The following THRB variants were observed in gnomAD, a reference collection of about 807,000 sequenced individuals.
THRB encodes the protein thyroid hormone receptor beta.
Under a neutral mutation model 47.8 loss-of-function variants are expected in THRB, and 12 were observed. The observed-to-expected ratio is 0.25, with a 90% confidence interval of 0.16 to 0.41. THRB has a LOEUF of 0.41. THRB is among the 10% of genes least tolerant of loss of function. The probability of loss-of-function intolerance (pLI) is 1.00; values close to 1 mark genes in which losing one functional copy is unlikely to be tolerated. For synonymous variants in THRB, 218 were observed against 212.2 expected, an observed-to-expected ratio of 1.03 and a Z score of -0.24; for missense variants, 348 against 589.2, an observed-to-expected ratio of 0.59 and a Z score of 4.24.
chr3:24,308,613 G>C (rs975734513), intron 2 of THRB, among the ~76,000 whole-genome samples: 1 of 152,202 alleles, frequency 6.6e-6, no homozygotes, highest in Non-Finnish European at 1.5e-5. Context: ...GTTTTATTAA[G>C]AGGTAGATTG....
At chr3:24,209,845 G>GA (rs1014295476) in intron 4 of THRB, among the ~76,000 whole-genome samples, 5 of 151,534 alleles carry the variant, frequency 3.3e-5, no homozygotes, top group Admixed American at 6.6e-5. Flanking sequence ...ATAATTTTTG[G>GA]AAAAAAAATC....
rs115865654 is a variant in THRB, at chr3:24,403,784, A to G, written c.-260-66413T>C. 7.3e-3 allele frequency among the ~76,000 whole-genome samples: 1,104 copies of G among 152,108 alleles called. 12 individuals are homozygous for G. Among genetic ancestry groups the G allele is most frequent in the African/African-American group, 0.025 (1,052 of 41,552 alleles). ...TATACATATGGCACTGCTGTTGCAG[A>G]TAGAAGTTTGAGGGTTGTCTTGAGG... On this transcript the variant is annotated intron_variant, in intron 1 of 10. Coordinates refer to ENST00000646209, the MANE Select transcript of THRB (RefSeq NM_001354712.2).
chr3:24,184,434 C>G lies in THRB; in HGVS notation c.283+5640G>C, dbSNP rs185689620. Among the ~76,000 whole-genome samples the G allele has an allele frequency of 7.3e-4, 111 of 152,324 alleles. 1 individual carries two copies. Among genetic ancestry groups the G allele is most frequent in the Non-Finnish European group, 1.2e-3 (82 of 68,020 alleles). On this transcript the variant is annotated intron_variant, in intron 5 of 10. Transcript: ENST00000646209. ...AGCGTGGGGTGGTCCATCCTCTGCT[C>G]TGTGTGCATCTCAACGAAAACTGAA...
chr3:24,148,563 C>T (rs1029862729), intron 6 of THRB, among the ~76,000 whole-genome samples: 1 of 152,158 alleles, frequency 6.6e-6, no homozygotes, highest in African/African-American at 2.4e-5. Context: ...TTCCTGGTGG[C>T]AAAACAAGTT....
intron 4 of THRB, among the ~76,000 whole-genome samples, chr3:24,217,335 A>C (rs2046671085): frequency 6.6e-6 from 1 of 150,610 alleles, no homozygotes; most frequent in Admixed American, 6.5e-5. Context: ...AGATTTTTGA[A>C]AAAGATATAG....
At chr3:24,155,044 C>G (rs985446535) in intron 5 of THRB, among the ~76,000 whole-genome samples, 7 of 152,156 alleles carry the variant, frequency 4.6e-5, no homozygotes, top group African/African-American at 1.7e-4. Flanking sequence ...TCATACTACC[C>G]CAGCCTGTCT....
intron 1 of THRB, among the ~76,000 whole-genome samples, chr3:24,475,814 A>T (rs1402049679): frequency 6.6e-6 from 1 of 152,264 alleles, no homozygotes; most frequent in Non-Finnish European, 1.5e-5. Flanking sequence ...GATTCTATAT[A>T]ACAGACATCC....
At chr3:24,461,374 T>C (rs145603173) in intron 1 of THRB, among the ~76,000 whole-genome samples, 1 of 152,330 alleles carries the variant, frequency 6.6e-6, no homozygotes, top group African/African-American at 2.4e-5. Context: ...TATCAAGATG[T>C]TGGTACATAG....
At chr3:24,379,017 A>T (rs1037052577) in intron 1 of THRB, among the ~76,000 whole-genome samples, 15 of 152,108 alleles carry the variant, frequency 9.9e-5, no homozygotes, top group Admixed American at 9.2e-4. Context: ...CCTTATAGCA[A>T]CTCAATGAGG....
At chr3:24,487,084 T>C (rs1006893934) in intron 1 of THRB, among the ~76,000 whole-genome samples, 1 of 152,220 alleles carries the variant, frequency 6.6e-6, no homozygotes, top group African/African-American at 2.4e-5. Context: ...AGCAGGACTT[T>C]TGCATTCTTG....
At chr3:24,244,450 T>C (rs942630132) in intron 3 of THRB, among the ~76,000 whole-genome samples, 4 of 152,162 alleles carry the variant, frequency 2.6e-5, no homozygotes, top group Non-Finnish European at 4.4e-5. Flanking sequence ...CATCTATTTA[T>C]TGGTAAAGAA....
At chr3:24,472,542 C>T (rs2125780063) in intron 1 of THRB, among the ~76,000 whole-genome samples, 1 of 152,334 alleles carries the variant, frequency 6.6e-6, no homozygotes, top group Admixed American at 6.5e-5. Flanking sequence ...CTCCTACTCT[C>T]TCTGCCAATC....
At chr3:24,152,048 G>A (rs1277805414) in intron 6 of THRB, among the ~76,000 whole-genome samples, 2 of 152,162 alleles carry the variant, frequency 1.3e-5, no homozygotes, top group Non-Finnish European at 2.9e-5. Flanking sequence ...GTCATTTCTC[G>A]GGATGACAAC....
chr3:24,356,825 A>C (rs1305970433), intron 1 of THRB, among the ~76,000 whole-genome samples: 2 of 152,114 alleles, frequency 1.3e-5, no homozygotes, highest in East Asian at 3.9e-4. Flanking sequence ...GAATATGCAG[A>C]AAAGAAGGAA....
rs924672541 is a variant in THRB at position 24,222,752 on chromosome 3, C to G, written c.22+6186G>C. Among the ~76,000 whole-genome samples, 51 of 152,280 alleles carry G rather than the reference C, an allele frequency of 3.3e-4. No homozygotes were observed. The South Asian group carries it at 4.4e-3, about 13-fold the overall frequency. ...GAGGGAGGAGCAAAAAGGCCCCCATCACATTGTGTGGTTAAATACTGAAGA... is the reference window on the plus strand; with the variant it reads ...GAGGGAGGAGCAAAAAGGCCCCCATGACATTGTGTGGTTAAATACTGAAGA... On this transcript the variant is annotated intron_variant, in intron 4 of 10. Coordinates refer to ENST00000646209, the MANE Select transcript of THRB (RefSeq NM_001354712.2).
intron 4 of THRB, among the ~76,000 whole-genome samples, chr3:24,207,093 T>C (rs2045459500): frequency 1.3e-5 from 2 of 152,182 alleles, no homozygotes; most frequent in Admixed American, 1.3e-4. Context: ...CCATTCCTTC[T>C]GAAACTATTC....
chr3:24,322,454 TG>T (rs1408499911), intron 2 of THRB, among the ~76,000 whole-genome samples: 15 of 152,218 alleles, frequency 9.9e-5, no homozygotes, highest in Admixed American at 9.8e-4. Flanking sequence ...GTATTTGCTT[TG>T]GGCCAGGCCC....
chr3:24,486,956 A>G (rs1288927207), intron 1 of THRB, among the ~76,000 whole-genome samples: 1 of 152,246 alleles, frequency 6.6e-6, no homozygotes, highest in African/African-American at 2.4e-5. Context: ...TTTAAAAGTA[A>G]ACAGAAATAC....
chr3:24,361,168 C>T (rs2149647428), intron 1 of THRB, among the ~76,000 whole-genome samples: 1 of 152,242 alleles, frequency 6.6e-6, no homozygotes, highest in Admixed American at 6.5e-5. Flanking sequence ...GTCATGTGTG[C>T]CTGCACATGC....
Sources: gnomAD v4.1 joint callset for allele counts (sites outside exome capture counted in the v4.1 genomes callset) on GRCh38, gnomAD v4.1.1 for gene constraint, MANE v1.5 for transcripts, NCBI Gene and HGNC (gene_info 2026-07-23, HGNC 2026-07-21) for gene names.